Variants in GLDN observed in about 807,000 individuals in gnomAD.
GLDN encodes the protein collomin.
Under a neutral mutation model 56.5 loss-of-function variants are expected in GLDN, and 47 were observed. That is an observed-to-expected ratio of 0.83 (90% CI 0.66 to 1.06). The LOEUF is 1.06. Among genes scored for constraint, GLDN ranks in the 50% least tolerant of loss-of-function variants. The pLI is 0.00. For synonymous variants in GLDN, 332 were observed against 278.8 expected (o/e 1.19, Z -1.90); for missense variants, 782 against 714.3 (o/e 1.09, Z -1.08).
At chr15:51,345,348 A>G (rs1419929266) in intron 1 of GLDN, among the ~76,000 whole-genome samples, 2 of 152,224 alleles carry the variant, frequency 1.3e-5, no homozygotes, top group Admixed American at 1.3e-4. Flanking sequence ...TTACGTATCC[A>G]TGATAATTGT....
intron 1 of GLDN, among the ~76,000 whole-genome samples, chr15:51,348,852 C>A (rs2037025935): frequency 6.6e-6 from 1 of 152,136 alleles, no homozygotes; most frequent in Non-Finnish European, 1.5e-5. Context: ...GGCTTTGAAC[C>A]CAAAGGGCTT....
intron 4 of GLDN, among the ~76,000 whole-genome samples, chr15:51,391,602 G>A (rs7164280): frequency 2.0e-5 from 3 of 152,142 alleles, no homozygotes; most frequent in Admixed American, 6.5e-5. Flanking sequence ...AAAGAGGGCC[G>A]GGCAGAAGGG....
intron 1 of GLDN, among the ~76,000 whole-genome samples, chr15:51,366,348 A>T (rs2037401442): frequency 6.6e-6 from 1 of 152,230 alleles, no homozygotes; most frequent in Non-Finnish European, 1.5e-5. Context: ...AGGACTTGTC[A>T]TTACTGAGTG....
intron 1 of GLDN, among the ~76,000 whole-genome samples, chr15:51,353,734 A>AAAAAAAAAAAAAAAAAAAAAAAAAAC (rs60404846): frequency 7.8e-6 from 1 of 128,878 alleles, no homozygotes. Context: ...AAAAAAAAAA[A>AAAAAAAAAAAAAAAAAAAAAAAAAAC]CCACAGTCAA....
At chr15:51,380,024 C>T (rs1163395018) in intron 2 of GLDN, among the ~76,000 whole-genome samples, 1 of 152,158 alleles carries the variant, frequency 6.6e-6, no homozygotes, top group African/African-American at 2.4e-5. Flanking sequence ...CCCCACCTTT[C>T]CTGCACTTGT....
In GLDN at chr15:51,401,705, T is replaced by C; in HGVS notation, c.1140T>C (p.Ser380=). Reference sequence around the variant, plus strand: ...GTGGGCACGTTGTTTACAACAACTCTCTCTACTACCACAAAGGGGGTTCTA... The same window carrying C: ...GTGGGCACGTTGTTTACAACAACTCCCTCTACTACCACAAAGGGGGTTCTA... The part of the protein sequence containing the change: ...HGCGHVVYNN[S]LYYHKGGSNT... The change falls in exon 9 of 10, where the codon TCT becomes TCC. Residue 380 remains serine, a synonymous_variant. Coordinates refer to ENST00000335449, the MANE Select transcript of GLDN (RefSeq NM_181789.4). 6.2e-7 allele frequency: 1 copy of C among 1,614,174 alleles called. No individual in the cohort carries two copies. The highest frequency in any genetic ancestry group is 8.5e-7 in the Non-Finnish European group (1 of 1,180,004).
intron 1 of GLDN, among the ~76,000 whole-genome samples, chr15:51,344,091 C>G (rs933230655): frequency 1.3e-5 from 2 of 152,174 alleles, no homozygotes; most frequent in Non-Finnish European, 2.9e-5. Flanking sequence ...GCGTTTCTAC[C>G]AAGCTCCCAC....
chr15:51,371,593 C>A (rs1265474299), intron 1 of GLDN, among the ~76,000 whole-genome samples: 1 of 152,188 alleles, frequency 6.6e-6, no homozygotes, highest in African/African-American at 2.4e-5. Flanking sequence ...GCCAGTAGGG[C>A]CCATTTGGGC....
In GLDN at chr15:51,405,756, G is replaced by A. The variant is rs1299922940; in HGVS notation, c.*1002G>A. The A allele has an allele frequency of 6.6e-6, 1 of 152,222 alleles. No homozygotes were observed. Among genetic ancestry groups the A allele is most frequent in the Non-Finnish European group, 1.5e-5 (1 of 68,036 alleles). The allele number at this position is 152,222 out of a possible 1,614,324, so 9.4% of individuals were successfully genotyped here. A position where few individuals can be genotyped will look rare whatever the true frequency, so the allele number is the denominator to read the frequency against. ...GGGAAGCACTTTGCAGTGTTCAGAA[G>A]AGAGGCTCCATTTGTGGCTATTATG... On this transcript the variant is annotated 3_prime_UTR_variant, in exon 10 of 10. Transcript: ENST00000335449.
intron 1 of GLDN, among the ~76,000 whole-genome samples, chr15:51,371,177 C>T (rs564073259): frequency 4.6e-5 from 7 of 152,162 alleles, no homozygotes; most frequent in Non-Finnish European, 8.8e-5. Flanking sequence ...GCTTGGGCTG[C>T]ATTTTGCTTT....
rs568957881 is a variant in GLDN, at chr15:51,391,271, C to A, written c.542-3564C>A. Among the ~76,000 whole-genome samples the A allele has an allele frequency of 2.9e-3, 433 of 150,722 alleles. 1 individual carries two copies. Among genetic ancestry groups the A allele is most frequent in the African/African-American group, 0.011 (422 of 40,132 alleles). On this transcript the variant is annotated intron_variant, in intron 4 of 9. Transcript: ENST00000335449. Reference sequence around the variant, plus strand: ...CAGCTGCCAGGCAGCAGGAACATTTCCCTGTTTCACATATGGCCTTTCCGA... The same window carrying A: ...CAGCTGCCAGGCAGCAGGAACATTTACCTGTTTCACATATGGCCTTTCCGA...
intron 2 of GLDN, among the ~76,000 whole-genome samples, chr15:51,381,296 T>C (rs1475393066): frequency 6.6e-6 from 1 of 152,218 alleles, no homozygotes; most frequent in Non-Finnish European, 1.5e-5. Flanking sequence ...AGTCAAATTA[T>C]TCTTTCCACC....
At chr15:51,398,369 C>T (rs561660897) in intron 6 of GLDN, among the ~76,000 whole-genome samples, 1 of 152,330 alleles carries the variant, frequency 6.6e-6, no homozygotes, top group Non-Finnish European at 1.5e-5. Context: ...AACTGGAAAT[C>T]AAGGATTTTA....
intron 1 of GLDN, among the ~76,000 whole-genome samples, chr15:51,356,750 T>C (rs1466145037): frequency 1.3e-5 from 2 of 152,244 alleles, no homozygotes; most frequent in Non-Finnish European, 2.9e-5. Flanking sequence ...AACCTACAAG[T>C]TATCATAAGA....
intron 4 of GLDN, among the ~76,000 whole-genome samples, chr15:51,389,053 G>A (rs893659304): frequency 4.6e-5 from 7 of 152,228 alleles, no homozygotes; most frequent in African/African-American, 1.2e-4. Context: ...AGAGGGGAAC[G>A]GTGAAAGGAG....
rs752096713 is a variant in GLDN at position 51,383,418 on chromosome 15, AT to A, written c.416-10del. 5.0e-6 allele frequency: 8 copies of A among 1,612,238 alleles called. No homozygotes were observed. The highest frequency in any genetic ancestry group is 3.3e-5 in the South Asian group (3 of 90,894). Reference sequence around the variant, plus strand: ...GGTTCGGTGCTGGTTTCTCAACTAAATTTTTTTTCCGTTGTAGGACCTTCTG... The same window carrying A: ...GGTTCGGTGCTGGTTTCTCAACTAAATTTTTTTCCGTTGTAGGACCTTCTG... On this transcript the variant is annotated splice_polypyrimidine_tract_variant and intron_variant, in intron 2 of 9. Transcript: ENST00000335449.
rs143485178 is a variant in GLDN, at chr15:51,404,462, G to A, written c.1364G>A (p.Arg455Lys). The A allele has an allele frequency of 6.2e-6, 10 of 1,614,034 alleles. No homozygotes were observed. The African/African-American group carries it at 1.3e-4, about 22-fold the overall frequency. ...ATTCTTGTAGCACAACTGGATGAGA[G>A]GACATTCTCAGTGGTGCAACACGTC... is the stretch of plus-strand genomic sequence containing the variant. ...SSILVAQLDE[R>K]TFSVVQHVNT... Residue 455 changes from arginine (R) to lysine (K), a missense_variant, in exon 10 of 10, where the codon AGG (arginine) becomes AAG (lysine). By Grantham distance (26) the Arg-to-Lys change is conservative (BLOSUM62 2). Coordinates refer to ENST00000335449, the MANE Select transcript of GLDN (RefSeq NM_181789.4).
intron 1 of GLDN, among the ~76,000 whole-genome samples, chr15:51,374,392 A>G (rs767453264): frequency 3.3e-5 from 5 of 152,346 alleles, no homozygotes; most frequent in Non-Finnish European, 5.9e-5. Context: ...GAAAATGACT[A>G]AAGGCAGTGA....
At chr15:51,347,057 T>C (rs1040820667) in intron 1 of GLDN, among the ~76,000 whole-genome samples, 3 of 152,050 alleles carry the variant, frequency 2.0e-5, no homozygotes, top group Non-Finnish European at 4.4e-5. Context: ...AGAGGAGGAC[T>C]CCATCTCAAA....
Sources: gnomAD v4.1 joint callset for allele counts (sites outside exome capture counted in the v4.1 genomes callset) on GRCh38, gnomAD v4.1.1 for gene constraint, MANE v1.5 for transcripts, NCBI Gene and HGNC (gene_info 2026-07-23, HGNC 2026-07-21) for gene names.